Variants in CYB5R3 observed in about 807,000 individuals in gnomAD.
The protein encoded by CYB5R3 is cytochrome b5 reductase 3.
In CYB5R3, 28 loss-of-function variants were observed where a neutral mutation model predicts 36.5. The observed-to-expected ratio is 0.77, with a 90% CI of 0.57 to 1.05. The LOEUF (loss-of-function observed/expected upper bound fraction) is 1.05, where lower values mean the gene tolerates loss of function less well. Ranked by LOEUF, CYB5R3 falls within the 50% of genes least tolerant of loss-of-function variation. CYB5R3 has a pLI of 0.00. For missense variants in CYB5R3, 474 were observed against 408.9 expected, an observed-to-expected ratio of 1.16 and a Z score of -1.37; for synonymous variants, 181 against 159.8, an observed-to-expected ratio of 1.13 and a Z score of -1.00.
rs893800055 is a variant in CYB5R3 at position 42,646,697 on chromosome 22, T to C, written c.21+2598A>G. Reference sequence around the variant, plus strand: ...CAGAATCTGAGCGGCACCTCCCTCCTGGTCCTGTTCTAACCGGGAGGAAGT... The same window carrying C: ...CAGAATCTGAGCGGCACCTCCCTCCCGGTCCTGTTCTAACCGGGAGGAAGT... On this transcript the variant is annotated intron_variant, in intron 1 of 8. Transcript: ENST00000352397. 28 of 985,680 alleles carry C rather than the reference T, an allele frequency of 2.8e-5. No individual in the cohort carries two copies. The Admixed American group carries it at 3.7e-4, about 13-fold the overall frequency. The allele number at this position is 985,680 out of a possible 1,614,324, so 61.1% of individuals were successfully genotyped here. A position where few individuals can be genotyped will look rare whatever the true frequency, so the allele number is the denominator to read the frequency against.
intron 1 of CYB5R3, among the ~76,000 whole-genome samples, chr22:42,637,132 T>C (rs1391874943): frequency 1.3e-5 from 2 of 152,196 alleles, no homozygotes; most frequent in African/African-American, 2.4e-5. Context: ...AAAAGAGCTG[T>C]GGGTCTAAGC....
chr22:42,630,940 C>A lies in CYB5R3; in HGVS notation c.275G>T (p.Arg92Leu). The change falls in exon 4 of 9, where the codon CGG (arginine) becomes CTG (leucine). Residue 92 changes from arginine (R) to leucine (L), a missense_variant. Transcript: ENST00000352397. ...SARIDGNLVV[R>L]PYTPISSDDD... ...ATCGCTGGAGATGGGTGTATAGGGC[C>A]GGACGACCAGGTTTCCATCAATTCG... is the stretch of plus-strand genomic sequence containing the variant. 6.2e-7 allele frequency: 1 copy of A among 1,614,026 alleles called. No individual in the cohort carries two copies. The highest frequency in any genetic ancestry group is 1.1e-5 in the South Asian group (1 of 91,054).
intron 1 of CYB5R3, chr22:42,640,310 C>T: frequency 6.6e-7 from 1 of 1,516,564 alleles, no homozygotes; most frequent in Non-Finnish European, 8.9e-7. Flanking sequence ...CCCGAATGGC[C>T]AGCTGAAGGT....
At chr22:42,640,306 T>C (rs1929182276) in intron 1 of CYB5R3, 1 of 1,527,004 alleles carries the variant, frequency 6.5e-7, no homozygotes, top group Non-Finnish European at 8.8e-7. Context: ...TCATCCCGAA[T>C]GGCCAGCTGA....
Position 42,619,270 on chromosome 22 carries a change from G to T in CYB5R3, c.*503C>A, listed in dbSNP as rs1569314100. On this transcript the variant is annotated 3_prime_UTR_variant, in exon 9 of 9. Transcript: ENST00000352397. ...GGGTAGGGAGCAGTGCCCCCAAGAGGGCTTTCTGGTGTCAATGTCTCATGC... is the reference window on the plus strand; with the variant it reads ...GGGTAGGGAGCAGTGCCCCCAAGAGTGCTTTCTGGTGTCAATGTCTCATGC... 1 of 163,126 alleles carries T rather than the reference G, an allele frequency of 6.1e-6. No individual in the cohort carries two copies. Among genetic ancestry groups the T allele is most frequent in the African/African-American group, 2.4e-5 (1 of 41,778 alleles). 10.1% of individuals were successfully genotyped at this position (163,126 alleles called of 1,614,324 possible).
At chr22:42,636,223 A>G (rs8140318) in intron 2 of CYB5R3, among the ~76,000 whole-genome samples, 23,390 of 152,054 alleles carry the variant, frequency 0.15, 2,453 homozygotes, top group East Asian at 0.58. Context: ...TCTCAAAAAA[A>G]AAAAAGTATG....
chr22:42,636,644 G>A, intron 2 of CYB5R3, 71 bp downstream of exon 2: 1 of 1,584,326 alleles, frequency 6.3e-7, no homozygotes, highest in East Asian at 2.3e-5. Context: ...GCAGGACCAT[G>A]CCCTGAGCAC....
At chr22:42,626,861 G>C (rs1267174633) in intron 7 of CYB5R3, among the ~76,000 whole-genome samples, 2 of 152,184 alleles carry the variant, frequency 1.3e-5, no homozygotes, top group Admixed American at 6.5e-5. Context: ...CGTGGACAAG[G>C]ATATGAATCA....
At chr22:42,636,580 A>T in intron 2 of CYB5R3, 135 bp downstream of exon 2, 1 of 1,400,594 alleles carries the variant, frequency 7.1e-7, no homozygotes, top group East Asian at 2.5e-5. Context: ...AGCAAGAGAC[A>T]TCACCTTGCT....
intron 7 of CYB5R3, 94 bp from the exon 8 acceptor site, chr22:42,623,982 T>G: frequency 3.7e-6 from 4 of 1,089,474 alleles, no homozygotes; most frequent in Non-Finnish European, 5.5e-6. Flanking sequence ...CGCGCCCGCC[T>G]GCGGGCCACA....
chr22:42,647,067 A>T, intron 1 of CYB5R3: 1 of 766,984 alleles, frequency 1.3e-6, no homozygotes, highest in Non-Finnish European at 1.6e-6. Flanking sequence ...TGCATGTCTT[A>T]GATAAGACAC....
intron 5 of CYB5R3, 113 bp from the exon 6 acceptor site, chr22:42,627,801 G>A: frequency 1.2e-6 from 1 of 832,862 alleles, no homozygotes; most frequent in South Asian, 1.4e-5. Flanking sequence ...CGAGGTAGAG[G>A]CAGCTGCCAT....
Position 42,628,242 on chromosome 22 carries a change from C to G in CYB5R3, c.373G>C (p.Gly125Arg). 1 of 1,614,160 alleles carries G rather than the reference C, an allele frequency of 6.2e-7. No individual in the cohort carries two copies. The highest frequency in any genetic ancestry group is 8.5e-7 in the Non-Finnish European group (1 of 1,180,006). ...CTCTCCAGGTACTGAGACATCTTCCCTCCAGCGGGAAACTTGGGATGGGTG... is the reference window on the plus strand; with the variant it reads ...CTCTCCAGGTACTGAGACATCTTCCGTCCAGCGGGAAACTTGGGATGGGTG... ...KDTHPKFPAG[G>R]KMSQYLESMQ... The change falls in exon 5 of 9, where the codon GGG (glycine) becomes CGG (arginine). Residue 125 changes from glycine (G) to arginine (R), a missense_variant. Gly to Arg is a moderately radical substitution (Grantham distance 125). Coordinates refer to ENST00000352397, the MANE Select transcript of CYB5R3 (RefSeq NM_000398.7).
chr22:42,626,296 G>A (rs546793930), intron 7 of CYB5R3, among the ~76,000 whole-genome samples: 1 of 152,358 alleles, frequency 6.6e-6, no homozygotes, highest in East Asian at 1.9e-4. Flanking sequence ...AGGGACAAGA[G>A]CGAGACTTTG....
intron 1 of CYB5R3, 164 bp from the exon 2 acceptor site, chr22:42,637,010 C>T (rs1434623682): frequency 2.2e-6 from 2 of 894,178 alleles, no homozygotes; most frequent in Non-Finnish European, 3.5e-6. Flanking sequence ...TTGGTGCCCA[C>T]TAGGAGAAGC....
chr22:42,647,915 G>A (rs1424947559), intron 1 of CYB5R3, among the ~76,000 whole-genome samples: 8 of 152,108 alleles, frequency 5.3e-5, no homozygotes, highest in Non-Finnish European at 7.4e-5. Flanking sequence ...TGCAGGGGAC[G>A]TGGCCATAAA....
chr22:42,628,580 TG>T (rs1177809155), intron 4 of CYB5R3, among the ~76,000 whole-genome samples: 1 of 152,172 alleles, frequency 6.6e-6, no homozygotes, highest in Non-Finnish European at 1.5e-5. Context: ...CAACTGTCTC[TG>T]GGGCCCCCTC....
intron 8 of CYB5R3, among the ~76,000 whole-genome samples, chr22:42,621,183 A>AGTGTGT (rs61564405): frequency 0.077 from 11,417 of 147,726 alleles, 490 homozygotes; most frequent in African/African-American, 0.11. Context: ...ATTTCTTTTT[A>AGTGTGT]GTGTGTGTGT....
chr22:42,619,900 T>C lies in CYB5R3; in HGVS notation c.779A>G (p.Asp260Gly). 1 of 1,607,990 alleles carries C rather than the reference T, an allele frequency of 6.2e-7. No homozygotes were observed. ...QGFVNEEMIR[D>G]HLPPPEEEPL... ...CTCCTCCTCTGGGGGTGGAAGGTGG[T>C]CCCGGATCATCTCCTCATTCACGAA... The change falls in exon 9 of 9, where the codon GAC (aspartate) becomes GGC (glycine). Residue 260 changes from aspartate (D) to glycine (G), a missense_variant. Coordinates refer to ENST00000352397, the MANE Select transcript of CYB5R3 (RefSeq NM_000398.7).
Sources: gnomAD v4.1 joint callset for allele counts (sites outside exome capture counted in the v4.1 genomes callset) on GRCh38, gnomAD v4.1.1 for gene constraint, MANE v1.5 for transcripts, NCBI Gene and HGNC (gene_info 2026-07-23, HGNC 2026-07-21) for gene names.